Variants in FTO observed in about 807,000 individuals in gnomAD.
FTO encodes FTO alpha-ketoglutarate dependent dioxygenase.
In FTO, 47 loss-of-function variants were observed where a neutral mutation model predicts 63.9. The observed-to-expected ratio is 0.74, with a 90% confidence interval of 0.58 to 0.94. The LOEUF (loss-of-function observed/expected upper bound fraction) is 0.94. Among genes scored for constraint, FTO ranks in the 40% least tolerant of loss-of-function variants. The pLI is 0.00. For missense variants in FTO, 562 were observed against 618.1 expected (o/e 0.91, Z 0.96); for synonymous variants, 207 against 224.4 (o/e 0.92, Z 0.69).
intron 7 of FTO, 74 bp downstream of exon 7, chr16:53,889,025 T>A: frequency 6.8e-7 from 1 of 1,467,866 alleles, no homozygotes; most frequent in African/African-American, 1.4e-5. Context: ...CTCATTTGCT[T>A]AGGCAAATGT....
At chr16:53,869,672 T>A (rs2080440685) in intron 4 of FTO, among the ~76,000 whole-genome samples, 1 of 152,122 alleles carries the variant, frequency 6.6e-6, no homozygotes, top group Non-Finnish European at 1.5e-5. Context: ...AAGGCATTCT[T>A]CATTTGTGTT....
intron 6 of FTO, among the ~76,000 whole-genome samples, chr16:53,882,084 AAG>A (rs939890767): frequency 2.0e-5 from 3 of 152,044 alleles, no homozygotes; most frequent in African/African-American, 7.2e-5. Flanking sequence ...AAACCATTAA[AAG>A]AAAAAAAGGA....
chr16:53,995,295 C>G (rs1458443525), intron 8 of FTO, among the ~76,000 whole-genome samples: 1 of 152,226 alleles, frequency 6.6e-6, no homozygotes. Flanking sequence ...AGTAACTAGC[C>G]AATGAATGAA....
intron 1 of FTO, among the ~76,000 whole-genome samples, chr16:53,781,606 C>T (rs1367042020): frequency 6.6e-6 from 1 of 152,156 alleles, no homozygotes; most frequent in Non-Finnish European, 1.5e-5. Context: ...CTAAAGTCAT[C>T]GACCCTAGTT....
intron 1 of FTO, among the ~76,000 whole-genome samples, chr16:53,790,579 C>CAAAAAAAAAAAAAAAAAAAAAAAGA (rs34860208): frequency 3.6e-5 from 2 of 55,216 alleles, no homozygotes; most frequent in Non-Finnish European, 6.4e-5. Context: ...CAAAATAAAG[C>CAAAAAAAAAAAAAAAAAAAAAAAGA]AAAAAAAAAA....
In FTO at chr16:53,931,908, G is replaced by A. The variant is rs62035774; in HGVS notation, c.1240-2077G>A. ...CACACACACACACACACACACACAC[G>A]CACATACCAGATTTCTTGTTTATTT... On this transcript the variant is annotated intron_variant, in intron 7 of 8. Coordinates refer to ENST00000471389, the MANE Select transcript of FTO (RefSeq NM_001080432.3). 3.0e-3 allele frequency among the ~76,000 whole-genome samples: 312 copies of A among 103,710 alleles called. 3 individuals carry two copies. In the East Asian group the frequency reaches 0.04, roughly 13 times the overall value. 68.0% of individuals were successfully genotyped at this position (103,710 alleles called of 152,430 possible).
At chr16:53,714,418 T>A (rs1176990689) in intron 1 of FTO, among the ~76,000 whole-genome samples, 2 of 152,224 alleles carry the variant, frequency 1.3e-5, no homozygotes, top group Admixed American at 1.3e-4. Context: ...ATTTTCTATT[T>A]CTATGTACAG....
At chr16:53,834,753 C>T (rs2079243784) in intron 3 of FTO, among the ~76,000 whole-genome samples, 1 of 152,124 alleles carries the variant, frequency 6.6e-6, no homozygotes, top group Non-Finnish European at 1.5e-5. Flanking sequence ...TTTCCACAGG[C>T]AATCATTTCT....
chr16:54,103,838 A>G (rs2086689887), intron 8 of FTO, among the ~76,000 whole-genome samples: 1 of 152,182 alleles, frequency 6.6e-6, no homozygotes, highest in African/African-American at 2.4e-5. Context: ...ACTAGACTGC[A>G]AATTTTTTTC....
chr16:53,930,390 AT>A (rs1344042474), intron 7 of FTO, among the ~76,000 whole-genome samples: 1 of 151,612 alleles, frequency 6.6e-6, no homozygotes, highest in African/African-American at 2.4e-5. Flanking sequence ...CGCCCGGCTA[AT>A]TTTTTGTGTT....
At chr16:53,752,406 A>C (rs2076819727) in intron 1 of FTO, among the ~76,000 whole-genome samples, 1 of 152,320 alleles carries the variant, frequency 6.6e-6, no homozygotes, top group Non-Finnish European at 1.5e-5. Context: ...AACCAATGCA[A>C]ATGTCCACCA....
Position 53,844,272 on chromosome 16 carries a change from A to G in FTO, c.869A>G (p.His290Arg). The change falls in exon 4 of 9, where the codon CAC (histidine) becomes CGC (arginine). Residue 290 changes from histidine to arginine, a missense_variant. Coordinates refer to ENST00000471389, the MANE Select transcript of FTO (RefSeq NM_001080432.3). ...ACACCTGGTTTGGCGATACCCCTTC[A>G]CCAAGGAGACTGCTATTTCATGCTT... ...IETPGLAIPL[H>R]QGDCYFMLDD... 6.2e-7 allele frequency: 1 copy of G among 1,613,532 alleles called. No homozygotes were observed. Among genetic ancestry groups the G allele is most frequent in the Non-Finnish European group, 8.5e-7 (1 of 1,179,468 alleles).
intron 8 of FTO, among the ~76,000 whole-genome samples, chr16:53,970,007 C>T (rs2083280596): frequency 6.6e-6 from 1 of 152,140 alleles, no homozygotes; most frequent in African/African-American, 2.4e-5. Flanking sequence ...CACCAGCAGA[C>T]TCTGGACTGA....
intron 2 of FTO, 107 bp downstream of exon 2, chr16:53,810,324 C>A: frequency 1.3e-6 from 1 of 761,954 alleles, no homozygotes; most frequent in Non-Finnish European, 2.3e-6. Context: ...GTGAAAAGGT[C>A]AAATTAGATC....
chr16:53,874,853 C>G (rs1358241007), intron 5 of FTO, among the ~76,000 whole-genome samples: 3 of 152,206 alleles, frequency 2.0e-5, no homozygotes, highest in Non-Finnish European at 2.9e-5. Context: ...TCCATTCACT[C>G]ATTCATTTAA....
rs559414130 is a variant in FTO at position 54,020,374 on chromosome 16, T to C, written c.1364+86265T>C. Among the ~76,000 whole-genome samples the C allele has an allele frequency of 1.3e-5, 2 of 152,326 alleles. 1 individual carries two copies. The highest frequency in any genetic ancestry group is 4.1e-4 in the South Asian group (2 of 4,830). On this transcript the variant is annotated intron_variant, in intron 8 of 8. Transcript: ENST00000471389. ...CATTTCCTATACACCATGAAGACAT[T>C]GCTTCCAGTAGGTTTTCTTGCTGGA... is the stretch of plus-strand genomic sequence containing the variant.
intron 7 of FTO, among the ~76,000 whole-genome samples, chr16:53,929,241 A>T (rs370099014): frequency 2.6e-5 from 4 of 152,170 alleles, no homozygotes; most frequent in African/African-American, 9.7e-5. Context: ...GTCTTGCCCA[A>T]CCGAATCCCT....
chr16:53,882,209 C>G (rs1213807421), intron 6 of FTO, among the ~76,000 whole-genome samples: 1 of 152,008 alleles, frequency 6.6e-6, no homozygotes, highest in Non-Finnish European at 1.5e-5. Context: ...TCTCATGCAT[C>G]CTTTCTATAA....
Position 54,102,763 on chromosome 16 carries a change from C to T in FTO, c.1365-8999C>T, listed in dbSNP as rs556579189. On this transcript the variant is annotated intron_variant, in intron 8 of 8. Coordinates refer to ENST00000471389, the MANE Select transcript of FTO (RefSeq NM_001080432.3). Reference sequence around the variant, plus strand: ...GGTACCGCCTGCACTGTCTCCTTCTCCAAGGCAGCAGGATGGCATAGACCC... The same window carrying T: ...GGTACCGCCTGCACTGTCTCCTTCTTCAAGGCAGCAGGATGGCATAGACCC... Among the ~76,000 whole-genome samples, 25 of 152,246 alleles carry T rather than the reference C, an allele frequency of 1.6e-4. No individual in the cohort carries two copies. In the South Asian group the frequency reaches 5.2e-3, roughly 32 times the overall value.
Sources: allele counts gnomAD v4.1 joint callset (sites outside exome capture counted in the v4.1 genomes callset), GRCh38; gene constraint gnomAD v4.1.1; transcripts MANE v1.5; gene names NCBI Gene and HGNC (gene_info 2026-07-23, HGNC 2026-07-21).